Variants in HOXB3 observed in about 807,000 individuals in gnomAD.
The protein encoded by HOXB3 is homeobox protein Hox-B3.
In HOXB3, 17 loss-of-function variants were observed where a neutral mutation model predicts 29.2. The ratio of observed to expected loss-of-function variants is 0.58; its 90% CI spans 0.40 to 0.87. The LOEUF (loss-of-function observed/expected upper bound fraction) is 0.87, where lower values mean the gene tolerates loss of function less well. HOXB3 is among the 40% of genes least tolerant of loss of function. HOXB3 has a pLI of 0.00. For synonymous variants in HOXB3, 317 were observed against 285.9 expected, an observed-to-expected ratio of 1.11 and a Z score of -1.10; for missense variants, 637 against 616.3, an observed-to-expected ratio of 1.03 and a Z score of -0.35.
At chr17:48,563,014 C>A (rs2069253333) in intron 2 of HOXB3, among the ~76,000 whole-genome samples, 1 of 152,212 alleles carries the variant, frequency 6.6e-6, no homozygotes, top group Non-Finnish European at 1.5e-5. Context: ...ACAAGGCTGC[C>A]AAGGTCCAGC....
In HOXB3 at chr17:48,573,955, G is replaced by A; in HGVS notation, c.-365C>T. On this transcript the variant is annotated 5_prime_UTR_variant, in exon 2 of 5. Coordinates refer to ENST00000498678, the MANE Select transcript of HOXB3 (RefSeq NM_001384749.1). The stretch of plus-strand genomic sequence containing the variant: ...TATGGTTCCAAATTTTTTCCCCCTT[G>A]CAGATCCGGGAGAGACGGCTAACAC... 1.4e-6 allele frequency: 1 copy of A among 694,848 alleles called. No homozygotes were observed. The highest frequency in any genetic ancestry group is 1.8e-5 in the African/African-American group (1 of 56,828). The allele number at this position is 694,848 out of a possible 1,614,324, so 43.0% of individuals were successfully genotyped here. A position where few individuals can be genotyped will look rare whatever the true frequency, so the allele number is the denominator to read the frequency against.
Position 48,550,892 on chromosome 17 carries a change from G to C in HOXB3, c.738C>G (p.Asp246Glu). The C allele has an allele frequency of 6.2e-7, 1 of 1,613,962 alleles. No individual in the cohort carries two copies. The highest frequency in any genetic ancestry group is 8.5e-7 in the Non-Finnish European group (1 of 1,179,932). The part of the protein sequence containing the change: ...FQNRRMKYKK[D>E]QKAKGLASSS... ...ACGAGGCCAATCCCTTGGCCTTCTG[G>C]TCCTTCTTGTACTTCATGCGCCGGT... is the stretch of plus-strand genomic sequence containing the variant. The change falls in exon 5 of 5, where the codon GAC becomes GAG. Residue 246 changes from aspartate (D) to glutamate (E), a missense_variant. Transcript: ENST00000498678.
intron 1 of HOXB3, chr17:48,582,676 T>TG (rs1415571648): frequency 6.6e-6 from 1 of 152,116 alleles, no homozygotes; most frequent in Admixed American, 6.5e-5. Flanking sequence ...GGTCATTACT[T>TG]GGGAAAAAAA....
intron 1 of HOXB3, chr17:48,576,585 GTATA>G (rs890720545): frequency 7.2e-6 from 5 of 695,830 alleles, no homozygotes; most frequent in African/African-American, 5.4e-5. Flanking sequence ...GCGTTTATTC[GTATA>G]TAAAGTGTGG....
At chr17:48,576,764 T>G in intron 1 of HOXB3, 1 of 1,601,748 alleles carries the variant, frequency 6.2e-7, no homozygotes, top group Non-Finnish European at 8.5e-7. Flanking sequence ...CAGGGGGCCC[T>G]CCGGCTGAGC....
intron 2 of HOXB3, among the ~76,000 whole-genome samples, chr17:48,559,389 A>C (rs1373405679): frequency 1.3e-5 from 2 of 152,164 alleles, no homozygotes; most frequent in Non-Finnish European, 2.9e-5. Flanking sequence ...AATCCACACA[A>C]AATTTGCCTG....
At chr17:48,562,451 C>T (rs1270343645) in intron 2 of HOXB3, among the ~76,000 whole-genome samples, 1 of 152,112 alleles carries the variant, frequency 6.6e-6, no homozygotes, top group African/African-American at 2.4e-5. Context: ...CCGGCAGCTG[C>T]ACCTCAAAGC....
intron 1 of HOXB3, chr17:48,576,682 AC>A: frequency 7.6e-6 from 2 of 264,106 alleles, no homozygotes; most frequent in Admixed American, 7.2e-5. Context: ...CTCACTGCCC[AC>A]CCCCACCCCG....
intron 2 of HOXB3, among the ~76,000 whole-genome samples, chr17:48,566,143 A>G (rs2069379867): frequency 6.6e-6 from 1 of 152,194 alleles, no homozygotes; most frequent in Non-Finnish European, 1.5e-5. Context: ...ACAACACAAA[A>G]GCAAATCAGT....
At position 48,551,059 on chromosome 17, in the gene HOXB3, C is replaced by A; in HGVS notation, c.571G>T (p.Ala191Ser). The change falls in exon 5 of 5, where the codon GCG becomes TCG. Residue 191 changes from alanine (A) to serine (S), a missense_variant. By Grantham distance (99) the Ala-to-Ser change is moderately conservative. Transcript: ENST00000498678. ...SPPGSAASKR[A>S]RTAYTSAQLV... ...TGCGCGCTCGTGTACGCCGTCCGCG[C>A]CCGCTTGGACGCCGCCGACCCCGGG... is the stretch of plus-strand genomic sequence containing the variant. 5.7e-6 allele frequency: 9 copies of A among 1,567,156 alleles called. No homozygotes were observed. Among genetic ancestry groups the A allele is most frequent in the Non-Finnish European group, 6.9e-6 (8 of 1,153,018 alleles).
intron 1 of HOXB3, chr17:48,580,609 T>C (rs1159278555): frequency 1.3e-5 from 2 of 151,902 alleles, no homozygotes; most frequent in African/African-American, 4.8e-5. Context: ...TGAGAAAAGA[T>C]CAAAGGCGTT....
rs779205212 is a variant in HOXB3 at position 48,552,369 on chromosome 17, G to A, written c.106C>T (p.Pro36Ser). ...TCCAGGTGCGTGGCGGCCTGAAATG[G>A]GGGTTGGGGGGGGACATCGAAGCCG... ...GFGFDVPPQP[P>S]FQAATHLEGD... The change falls in exon 4 of 5, where the codon CCA becomes TCA. Residue 36 changes from proline (P) to serine (S), a missense_variant. Transcript: ENST00000498678. 6.8e-6 allele frequency: 11 copies of A among 1,613,754 alleles called. No homozygotes were observed. In the South Asian group the frequency reaches 1.1e-4, roughly 16 times the overall value.
chr17:48,560,154 T>TG (rs2069144639), intron 2 of HOXB3: 1 of 152,432 alleles, frequency 6.6e-6, no homozygotes, highest in Admixed American at 6.6e-5. Context: ...CTGGGCAGCT[T>TG]GGGGGCTGCA....
chr17:48,585,179 G>GA (rs1272801494), intron 1 of HOXB3, among the ~76,000 whole-genome samples: 1 of 152,108 alleles, frequency 6.6e-6, no homozygotes, highest in Non-Finnish European at 1.5e-5. Context: ...TAACTCCTTG[G>GA]AAAAAGACGC....
At chr17:48,559,883 A>G (rs1028885774) in intron 2 of HOXB3, 1 of 152,272 alleles carries the variant, frequency 6.6e-6, no homozygotes, top group Non-Finnish European at 1.5e-5. Context: ...TGGCAGGACA[A>G]AAAGGGCAGC....
intron 2 of HOXB3, among the ~76,000 whole-genome samples, chr17:48,572,319 A>G (rs1249439210): frequency 6.6e-6 from 1 of 152,234 alleles, no homozygotes; most frequent in African/African-American, 2.4e-5. Flanking sequence ...AAAGGTAGTT[A>G]TAGAAATAGC....
intron 4 of HOXB3, 88 bp downstream of exon 4, chr17:48,551,939 G>A (rs563494043): frequency 9.7e-5 from 124 of 1,283,548 alleles, no homozygotes; most frequent in Non-Finnish European, 1.2e-4. Context: ...AGGCAGCCTC[G>A]CGGGCGCCTA....
chr17:48,578,675 C>T (rs2069855283), intron 1 of HOXB3: 4 of 296,080 alleles, frequency 1.4e-5, no homozygotes, highest in South Asian at 9.4e-5. Context: ...ACTGGAGGGC[C>T]TGTTGGGGCG....
At chr17:48,572,356 T>A (rs778218365) in intron 2 of HOXB3, among the ~76,000 whole-genome samples, 11 of 152,090 alleles carry the variant, frequency 7.2e-5, no homozygotes, top group Non-Finnish European at 1.3e-4. Flanking sequence ...CTTCAGAAAA[T>A]GGGTTGACAG....
Sources: allele counts gnomAD v4.1 joint callset (sites outside exome capture counted in the v4.1 genomes callset), GRCh38; gene constraint gnomAD v4.1.1; transcripts MANE v1.5; gene names NCBI Gene and HGNC (gene_info 2026-07-23, HGNC 2026-07-21).